The following IAH1 variants were observed in gnomAD, a reference collection of about 807,000 sequenced individuals.
IAH1 encodes the protein isoamyl acetate hydrolyzing esterase 1 (putative).
In IAH1, 24 loss-of-function variants were observed where a neutral mutation model predicts 26.7. That is an observed-to-expected ratio of 0.90 (90% CI 0.65 to 1.26). The LOEUF (loss-of-function observed/expected upper bound fraction) is 1.26, where lower values mean the gene tolerates loss of function less well. Ranked by LOEUF, IAH1 falls within the 50% of genes most tolerant of loss-of-function variation. The pLI is 0.00. For missense variants in IAH1, 300 were observed against 299.9 expected, an observed-to-expected ratio of 1.00 and a Z score of 0.00; for synonymous variants, 140 against 118.5, an observed-to-expected ratio of 1.18 and a Z score of -1.18.
At chr2:9,488,061 C>T in intron 5 of IAH1, 86 bp from the exon 6 acceptor site, 1 of 900,984 alleles carries the variant, frequency 1.1e-6, no homozygotes, top group Non-Finnish European at 1.6e-6. Context: ...TTCCAGTAAT[C>T]CTCGGCCCCA....
chr2:9,484,504 G>C lies in IAH1; in HGVS notation c.518G>C (p.Cys173Ser), dbSNP rs768894310. Residue 173 changes from cysteine (C) to serine (S), a missense_variant, in exon 5 of 6, where the codon TGT (cysteine) becomes TCT (serine). Physicochemically the swap from Cys to Ser is moderately radical, Grantham distance 112. Transcript: ENST00000497473. ...ANACLQVAQDCGTDVLDLWTL... is the reference protein window; with the variant it reads ...ANACLQVAQDSGTDVLDLWTL... ...GCGTGTTTACAAGTGGCCCAAGACT[G>C]TGGGACTGACGTACTTGACCTGTGG... is the stretch of plus-strand genomic sequence containing the variant. 1.9e-6 allele frequency: 3 copies of C among 1,614,046 alleles called. No homozygotes were observed. Among genetic ancestry groups the C allele is most frequent in the African/African-American group, 2.7e-5 (2 of 74,910 alleles).
At chr2:9,478,013 A>C (rs1295772690) in intron 2 of IAH1, among the ~76,000 whole-genome samples, 1 of 152,028 alleles carries the variant, frequency 6.6e-6, no homozygotes, top group Admixed American at 6.6e-5. Context: ...CTCACGGAGG[A>C]GTATGGTGTA....
intron 4 of IAH1, among the ~76,000 whole-genome samples, chr2:9,483,398 C>A (rs778469170): frequency 1.6e-4 from 24 of 152,154 alleles, no homozygotes; most frequent in Non-Finnish European, 3.1e-4. Context: ...CATGTGCAAC[C>A]ATGCTCAGCT....
intron 4 of IAH1, among the ~76,000 whole-genome samples, 171 bp downstream of exon 4, chr2:9,481,618 C>A (rs1167458620): frequency 6.6e-6 from 1 of 152,122 alleles, no homozygotes; most frequent in African/African-American, 2.4e-5. Context: ...TTATGTTATA[C>A]CTGAGACCTT....
chr2:9,494,137 A>G (rs147459667), downstream of IAH1, among the ~76,000 whole-genome samples: 155 of 152,332 alleles, frequency 1.0e-3, no homozygotes, highest in Middle Eastern at 6.8e-3. Flanking sequence ...ACAGTGAACA[A>G]CACAGCCAGA....
downstream of IAH1, chr2:9,497,157 A>T (rs763358232): frequency 6.2e-7 from 1 of 1,614,216 alleles, no homozygotes; most frequent in Admixed American, 1.7e-5. Context: ...TCTCGCAGAA[A>T]GGGATGCATT....
the IAH1 span, chr2:9,505,155 A>G: frequency 1.2e-6 from 2 of 1,614,012 alleles, no homozygotes; most frequent in Admixed American, 3.3e-5. Context: ...CCCTGTGGAG[A>G]GACTCCTCAC....
intron 3 of IAH1, among the ~76,000 whole-genome samples, chr2:9,479,872 G>T (rs1011607760): frequency 3.8e-5 from 5 of 132,976 alleles, no homozygotes; most frequent in Non-Finnish European, 7.6e-5. Context: ...GAAGTGATAC[G>T]GTCTCGGCTC....
the IAH1 span, chr2:9,505,666 G>A: frequency 5.5e-6 from 2 of 364,878 alleles, no homozygotes; most frequent in Non-Finnish European, 1.0e-5. Flanking sequence ...CCCACTTAAG[G>A]ACAAGCAGAA....
At chr2:9,486,804 G>A (rs1661514287) in intron 5 of IAH1, 1 of 151,752 alleles carries the variant, frequency 6.6e-6, no homozygotes, top group Non-Finnish European at 1.5e-5. Flanking sequence ...TCTCTAGCCT[G>A]GGCAACAAGA....
At position 9,480,095 on chromosome 2, in the gene IAH1, A is replaced by T. The variant is rs536697448; in HGVS notation, c.284-1191A>T. Among the ~76,000 whole-genome samples, 149 of 152,184 alleles carry T rather than the reference A, an allele frequency of 9.8e-4. 2 individuals carry two copies. The South Asian group carries it at 0.03, about 30-fold the overall frequency. On this transcript the variant is annotated intron_variant, in intron 3 of 5. Transcript: ENST00000497473. ...AAGTGCTAGGATTTCAGGCATGAGC[A>T]ACCGCACCTGGCCGTGTATTGCTAT... is the stretch of plus-strand genomic sequence containing the variant.
At chr2:9,482,030 C>CTTT (rs1313748153) in intron 4 of IAH1, among the ~76,000 whole-genome samples, 3 of 96,452 alleles carry the variant, frequency 3.1e-5, no homozygotes, top group South Asian at 2.9e-4. Context: ...TATGGAAGTT[C>CTTT]TCTTTTTTTT....
At chr2:9,483,164 C>A (rs1429668962) in intron 4 of IAH1, among the ~76,000 whole-genome samples, 1 of 152,138 alleles carries the variant, frequency 6.6e-6, no homozygotes, top group Non-Finnish European at 1.5e-5. Context: ...GAATGTAGCC[C>A]AATGCAGACT....
downstream of IAH1, chr2:9,497,003 C>T (rs528986926): frequency 9.3e-6 from 14 of 1,501,374 alleles, no homozygotes; most frequent in East Asian, 2.3e-4. Context: ...TCATCCTCGG[C>T]TTGGATCTCA....
chr2:9,481,974 T>C (rs1661200032), intron 4 of IAH1, among the ~76,000 whole-genome samples: 1 of 152,066 alleles, frequency 6.6e-6, no homozygotes, highest in African/African-American at 2.4e-5. Flanking sequence ...GGTTCAAACC[T>C]GTGTTGTTCA....
At chr2:9,498,190 T>G (rs2124979868), downstream of IAH1, among the ~76,000 whole-genome samples, 1 of 151,016 alleles carries the variant, frequency 6.6e-6, no homozygotes, top group Middle Eastern at 3.4e-3. Flanking sequence ...CCACCATACC[T>G]GGCTAATTTT....
the IAH1 span, among the ~76,000 whole-genome samples, chr2:9,502,445 C>T: frequency 6.6e-6 from 1 of 152,214 alleles, no homozygotes; most frequent in African/African-American, 2.4e-5. Context: ...TACCTGCACA[C>T]ACTTTGTCCC....
At position 9,474,888 on chromosome 2, in the gene IAH1, G is replaced by A. The variant is rs1166513003; in HGVS notation, c.81+241G>A. 7 of 565,846 alleles carry A rather than the reference G, an allele frequency of 1.2e-5. No individual in the cohort carries two copies. The African/African-American group carries it at 1.4e-4, about 11-fold the overall frequency. 35.1% of individuals were successfully genotyped at this position (565,846 alleles called of 1,614,324 possible). On this transcript the variant is annotated intron_variant, in intron 1 of 5. Coordinates refer to ENST00000497473, the MANE Select transcript of IAH1 (RefSeq NM_001039613.3). The surrounding 1 kb of genome is among the most constrained non-coding windows in gnomAD (Gnocchi z 4.3). ...CCCGGGCTCCAGGCACAGACGCGAG[G>A]GGACCCGGCCGCGCTGCCCGCCCCG...
At chr2:9,475,101 G>T in intron 1 of IAH1, 1 of 1,256,652 alleles carries the variant, frequency 8.0e-7, no homozygotes, top group Non-Finnish European at 1.0e-6. Flanking sequence ...GGCACAGGTG[G>T]GGCCGTTAGG....
Sources: gnomAD v4.1 joint callset for allele counts (sites outside exome capture counted in the v4.1 genomes callset) on GRCh38, gnomAD v4.1.1 for gene constraint, Gnocchi (gnomAD v3.1) non-coding constraint, MANE v1.5 for transcripts, NCBI Gene and HGNC (gene_info 2026-07-23, HGNC 2026-07-21) for gene names.